EYA1: variants seen among roughly 807,000 people sequenced by gnomAD.
EYA1 encodes the protein EYA transcriptional coactivator and phosphatase 1, also known as protein phosphatase EYA1.
Under a neutral mutation model 82.0 loss-of-function variants are expected in EYA1, and 16 were observed. That is an observed-to-expected ratio of 0.20 (90% CI 0.13 to 0.30). The LOEUF (loss-of-function observed/expected upper bound fraction) is 0.30. EYA1 is among the 10% of genes least tolerant of loss of function. The probability of loss-of-function intolerance (pLI) is 1.00; values close to 1 mark genes in which losing one functional copy is unlikely to be tolerated. For synonymous variants in EYA1, 261 were observed against 264.4 expected, an observed-to-expected ratio of 0.99 and a Z score of 0.12; for missense variants, 633 against 730.7, an observed-to-expected ratio of 0.87 and a Z score of 1.54.
chr8:71,254,463 G>A (rs1455432239), intron 11 of EYA1, among the ~76,000 whole-genome samples: 1 of 152,066 alleles, frequency 6.6e-6, no homozygotes, highest in Non-Finnish European at 1.5e-5. Flanking sequence ...AAGGGATTGA[G>A]TGAGAATCTA....
At chr8:71,361,287 T>C (rs1425033357) in intron 1 of EYA1, among the ~76,000 whole-genome samples, 3 of 152,228 alleles carry the variant, frequency 2.0e-5, no homozygotes, top group East Asian at 1.9e-4. Flanking sequence ...CACACAAATA[T>C]ATTTGAGATT....
intron 4 of EYA1, among the ~76,000 whole-genome samples, chr8:71,330,492 CT>C (rs1823712216): frequency 6.6e-6 from 1 of 152,138 alleles, no homozygotes; most frequent in African/African-American, 2.4e-5. Context: ...AACGAATTTC[CT>C]TTCCTTCCCT....
intron 9 of EYA1, among the ~76,000 whole-genome samples, chr8:71,294,201 T>C (rs986894891): frequency 2.0e-5 from 3 of 152,164 alleles, no homozygotes; most frequent in Non-Finnish European, 4.4e-5. Context: ...GGCTCACGCC[T>C]GTAATCCCAG....
At chr8:71,279,845 G>T (rs374635993) in intron 9 of EYA1, among the ~76,000 whole-genome samples, 17 of 152,076 alleles carry the variant, frequency 1.1e-4, no homozygotes, top group African/African-American at 3.1e-4. Flanking sequence ...CTCCTTTTTT[G>T]TGTGTGTGTG....
In EYA1 at chr8:71,334,432, T is replaced by C. The variant is rs7824978; in HGVS notation, c.125-258A>G. Reference sequence around the variant, plus strand: ...GTAAAAGTAATTAAATTCATCATTGTTTTACATATTTACTGAATTACTTAT... The same window carrying C: ...GTAAAAGTAATTAAATTCATCATTGCTTTACATATTTACTGAATTACTTAT... On this transcript the variant is annotated intron_variant, in intron 3 of 17. Transcript: ENST00000340726. 27,441 of 493,092 alleles carry C rather than the reference T, an allele frequency of 0.056. 1,556 individuals carry two copies. Among genetic ancestry groups the C allele is most frequent in the African/African-American group, 0.2 (10,032 of 51,210 alleles). The allele number at this position is 493,092 out of a possible 1,614,324, so 30.5% of individuals were successfully genotyped here.
At chr8:71,244,186 T>G (rs944961484) in intron 12 of EYA1, among the ~76,000 whole-genome samples, 9 of 152,124 alleles carry the variant, frequency 5.9e-5, no homozygotes, top group African/African-American at 1.9e-4. Flanking sequence ...TTCCTACCAA[T>G]TGGATCAGCC....
At chr8:71,305,646 C>CAAATAAAT (rs3086567) in intron 7 of EYA1, among the ~76,000 whole-genome samples, 10,897 of 146,720 alleles carry the variant, frequency 0.074, 1,333 homozygotes, top group African/African-American at 0.25. Context: ...AACTCTATCT[C>CAAATAAAT]AAATAAATAA....
chr8:71,406,615 A>T (rs560706024), intron 2 of EYA1, among the ~76,000 whole-genome samples: 1 of 152,210 alleles, frequency 6.6e-6, no homozygotes, highest in Non-Finnish European at 1.5e-5. Context: ...GGGGTGACGG[A>T]TGCACCTGGA....
chr8:71,468,727 A>C (rs893685286), intron 2 of EYA1, among the ~76,000 whole-genome samples: 1 of 152,088 alleles, frequency 6.6e-6, no homozygotes, highest in East Asian at 1.9e-4. Context: ...TTCAATGCCC[A>C]GTAATTCCGG....
intron 17 of EYA1, among the ~76,000 whole-genome samples, chr8:71,209,081 T>G (rs1288892156): frequency 6.6e-6 from 1 of 152,232 alleles, no homozygotes; most frequent in Non-Finnish European, 1.5e-5. Context: ...TGGAGATGGC[T>G]TCACACCTTG....
intron 1 of EYA1, among the ~76,000 whole-genome samples, chr8:71,539,294 A>C (rs1217833892): frequency 3.3e-5 from 5 of 152,160 alleles, no homozygotes; most frequent in African/African-American, 1.2e-4. Context: ...TGATAGCCTG[A>C]CTCTCCATAT....
chr8:71,444,974 A>AT (rs1806755945), intron 2 of EYA1, among the ~76,000 whole-genome samples: 1 of 152,244 alleles, frequency 6.6e-6, no homozygotes, highest in Non-Finnish European at 1.5e-5. Flanking sequence ...CATGTGTGAA[A>AT]TTGGAGAGAA....
At chr8:71,405,267 C>A (rs1178199401) in intron 2 of EYA1, among the ~76,000 whole-genome samples, 1 of 148,670 alleles carries the variant, frequency 6.7e-6, no homozygotes, top group African/African-American at 2.4e-5. Context: ...ACAACAACAA[C>A]AAACAAGAGA....
chr8:71,419,507 C>T (rs1210792646), intron 2 of EYA1, among the ~76,000 whole-genome samples: 1 of 152,066 alleles, frequency 6.6e-6, no homozygotes, highest in East Asian at 1.9e-4. Flanking sequence ...TAAAGACTGT[C>T]AAAATTATGT....
At chr8:71,213,695 T>C (rs1033989983) in intron 16 of EYA1, among the ~76,000 whole-genome samples, 26 of 152,244 alleles carry the variant, frequency 1.7e-4, no homozygotes, top group African/African-American at 6.0e-4. Context: ...ATCAGCACCC[T>C]GCTGACTGTG....
intron 14 of EYA1, 21 bp downstream of exon 14, chr8:71,216,671 G>A (rs756662508): frequency 2.5e-6 from 4 of 1,612,560 alleles, no homozygotes; most frequent in East Asian, 2.2e-5. Flanking sequence ...ACTTGCTGAG[G>A]TACTGGTGGT....
intron 2 of EYA1, among the ~76,000 whole-genome samples, chr8:71,390,069 C>A (rs569553582): frequency 6.6e-6 from 1 of 151,978 alleles, no homozygotes; most frequent in Non-Finnish European, 1.5e-5. Context: ...GAGGTAATGA[C>A]TTATATGTTG....
At chr8:71,510,480 G>A (rs1463390747) in intron 2 of EYA1, among the ~76,000 whole-genome samples, 1 of 152,148 alleles carries the variant, frequency 6.6e-6, no homozygotes, top group Non-Finnish European at 1.5e-5. Context: ...GTTCTCCATG[G>A]CCAGAGAGGC....
At chr8:71,242,038 G>A (rs1025663786) in intron 12 of EYA1, among the ~76,000 whole-genome samples, 8 of 151,956 alleles carry the variant, frequency 5.3e-5, no homozygotes, top group Non-Finnish European at 1.0e-4. Flanking sequence ...AAGAAACACC[G>A]TTTCTACTAA....
Sources: allele counts gnomAD v4.1 joint callset (sites outside exome capture counted in the v4.1 genomes callset), GRCh38; gene constraint gnomAD v4.1.1; transcripts MANE v1.5; gene names NCBI Gene and HGNC (gene_info 2026-07-23, HGNC 2026-07-21).